The following ROBO1 variants were observed in gnomAD, a reference collection of about 807,000 sequenced individuals.
The protein encoded by ROBO1 is roundabout guidance receptor 1, also known as roundabout homolog 1.
In ROBO1, 149 loss-of-function variants were observed where a neutral mutation model predicts 195.9. The observed-to-expected ratio is 0.76, with a 90% confidence interval of 0.67 to 0.87. ROBO1 has a LOEUF of 0.87. Ranked by LOEUF, ROBO1 falls within the 40% of genes least tolerant of loss-of-function variation. The pLI, the probability that ROBO1 is intolerant of heterozygous loss-of-function variation, is 0.00. For synonymous variants in ROBO1, 816 were observed against 733.2 expected (o/e 1.11, Z -1.82); for missense variants, 1,933 against 2,068.3 (o/e 0.93, Z 1.27).
intron 4 of ROBO1, among the ~76,000 whole-genome samples, chr3:78,794,575 C>CTTTA (rs989370334): frequency 2.6e-5 from 4 of 151,820 alleles, no homozygotes; most frequent in Admixed American, 1.3e-4. Context: ...CTATGACAGT[C>CTTTA]TTTATTTATT....
intron 4 of ROBO1, among the ~76,000 whole-genome samples, chr3:78,854,701 A>G (rs2034302704): frequency 6.6e-6 from 1 of 152,144 alleles, no homozygotes; most frequent in Non-Finnish European, 1.5e-5. Flanking sequence ...ACTCATGAAT[A>G]AATCATTTTA....
intron 4 of ROBO1, among the ~76,000 whole-genome samples, chr3:78,883,314 G>A (rs1167713787): frequency 1.3e-5 from 2 of 151,748 alleles, no homozygotes; most frequent in African/African-American, 4.8e-5. Flanking sequence ...ATTTCCCCAT[G>A]ACTTCCAAAT....
chr3:78,732,995 T>C (rs548401344), intron 5 of ROBO1, among the ~76,000 whole-genome samples: 1 of 152,172 alleles, frequency 6.6e-6, no homozygotes, highest in Non-Finnish European at 1.5e-5. Flanking sequence ...CAATTTATCA[T>C]ATTATCAAAT....
intron 2 of ROBO1, among the ~76,000 whole-genome samples, chr3:79,461,466 C>A (rs1468555649): frequency 5.9e-5 from 9 of 152,062 alleles, no homozygotes; most frequent in Non-Finnish European, 1.3e-4. Context: ...CTGAGCACAC[C>A]CTTCTAGAGG....
intron 1 of ROBO1, among the ~76,000 whole-genome samples, chr3:79,667,270 C>T (rs529337995): frequency 2.6e-5 from 4 of 151,904 alleles, no homozygotes; most frequent in African/African-American, 9.6e-5. Flanking sequence ...TATCATTTCT[C>T]CAGAGATATG....
intron 3 of ROBO1, among the ~76,000 whole-genome samples, chr3:79,119,368 C>A (rs1295138442): frequency 6.6e-6 from 1 of 152,114 alleles, no homozygotes; most frequent in Non-Finnish European, 1.5e-5. Context: ...GAAAATTAAA[C>A]CATTTTTCTT....
intron 2 of ROBO1, among the ~76,000 whole-genome samples, chr3:79,163,754 A>T (rs1315936725): frequency 6.6e-6 from 1 of 152,042 alleles, no homozygotes; most frequent in Non-Finnish European, 1.5e-5. Context: ...AAATTTTGAG[A>T]GGCTTTTACT....
At chr3:79,608,400 A>G (rs1362941264) in intron 1 of ROBO1, among the ~76,000 whole-genome samples, 3 of 151,926 alleles carry the variant, frequency 2.0e-5, no homozygotes, top group Admixed American at 6.6e-5. Flanking sequence ...TCTCTCTCTC[A>G]TATACCAAGA....
Position 78,927,925 on chromosome 3 carries a change from G to A in ROBO1, c.499+10676C>T, listed in dbSNP as rs373000188. On this transcript the variant is annotated intron_variant, in intron 4 of 30. Transcript: ENST00000464233. The stretch of plus-strand genomic sequence containing the variant: ...ACCATATACATGGAAGGAATCAACC[G>A]AAGAATGAGCCTAACATAGTAAACA... Among the ~76,000 whole-genome samples, 93 of 152,226 alleles carry A rather than the reference G, an allele frequency of 6.1e-4. No individual in the cohort carries two copies. In the East Asian group the frequency reaches 0.013, roughly 22 times the overall value.
chr3:78,704,026 G>A (rs1032440007), intron 8 of ROBO1, among the ~76,000 whole-genome samples: 5 of 152,028 alleles, frequency 3.3e-5, no homozygotes, highest in Admixed American at 3.3e-4. Flanking sequence ...CCTTGGGGGG[G>A]TCTCATAATA....
chr3:79,042,407 C>A (rs915145065), intron 3 of ROBO1, among the ~76,000 whole-genome samples: 5 of 152,054 alleles, frequency 3.3e-5, no homozygotes, highest in African/African-American at 9.7e-5. Flanking sequence ...GTAAATATTC[C>A]GATGGCGGTC....
chr3:79,269,551 T>G (rs1018285521), intron 2 of ROBO1, among the ~76,000 whole-genome samples: 1 of 151,748 alleles, frequency 6.6e-6, no homozygotes, highest in Non-Finnish European at 1.5e-5. Context: ...AATAATGTAA[T>G]GATACTGTGA....
intron 2 of ROBO1, among the ~76,000 whole-genome samples, chr3:79,243,191 T>C (rs936925428): frequency 4.6e-4 from 69 of 151,534 alleles, no homozygotes; most frequent in African/African-American, 1.6e-3. Flanking sequence ...GCATAGTATT[T>C]CATGGTGTAT....
chr3:79,133,647 G>A (rs575162965), intron 2 of ROBO1, among the ~76,000 whole-genome samples: 1 of 76,320 alleles, frequency 1.3e-5, no homozygotes, highest in Admixed American at 1.6e-4. Flanking sequence ...CCGTAGCTCA[G>A]AGTAATTTGA....
At chr3:78,679,777 A>T (rs567522768) in intron 10 of ROBO1, among the ~76,000 whole-genome samples, 1 of 152,298 alleles carries the variant, frequency 6.6e-6, no homozygotes, top group Admixed American at 6.5e-5. Flanking sequence ...TATAGATTCA[A>T]TGCCATCCCC....
intron 2 of ROBO1, among the ~76,000 whole-genome samples, chr3:79,371,244 C>T (rs1236663876): frequency 6.6e-6 from 1 of 151,984 alleles, no homozygotes; most frequent in Admixed American, 6.6e-5. Flanking sequence ...TGGTTCTGGA[C>T]CCTGGAGGAA....
intron 1 of ROBO1, among the ~76,000 whole-genome samples, chr3:79,694,799 G>A (rs541171595): frequency 1.2e-4 from 18 of 151,490 alleles, no homozygotes; most frequent in African/African-American, 3.9e-4. Context: ...AAATAAAATC[G>A]GAAAAATTAT....
chr3:79,072,877 C>A (rs539928899), intron 3 of ROBO1, among the ~76,000 whole-genome samples: 3 of 151,970 alleles, frequency 2.0e-5, no homozygotes, highest in Non-Finnish European at 4.4e-5. Flanking sequence ...AACAACAATG[C>A]AAAATTTGCC....
chr3:79,574,648 C>A (rs1943391888), intron 2 of ROBO1, among the ~76,000 whole-genome samples: 1 of 151,850 alleles, frequency 6.6e-6, no homozygotes, highest in African/African-American at 2.4e-5. Flanking sequence ...TTATCTAACA[C>A]TATGTTTTGT....
Sources: allele counts gnomAD v4.1 joint callset (sites outside exome capture counted in the v4.1 genomes callset), GRCh38; gene constraint gnomAD v4.1.1; transcripts MANE v1.5; gene names NCBI Gene and HGNC (gene_info 2026-07-23, HGNC 2026-07-21).